Variants in RNPC3 observed in about 807,000 individuals in gnomAD.
RNPC3 encodes RNA-binding region-containing protein 3.
RNPC3 carries 48 observed loss-of-function variants against 67.5 expected under a neutral mutation model. That is an observed-to-expected ratio of 0.71 (90% CI 0.56 to 0.90). RNPC3 has a LOEUF of 0.90. Ranked by LOEUF, RNPC3 falls within the 40% of genes least tolerant of loss-of-function variation. RNPC3 has a pLI of 0.00. For missense variants in RNPC3, 637 were observed against 626.1 expected (o/e 1.02, Z -0.19); for synonymous variants, 239 against 210.3 (o/e 1.14, Z -1.18).
In RNPC3 at chr1:103,525,921, T is replaced by C; in HGVS notation, c.-150T>C. On this transcript the variant is annotated 5_prime_UTR_variant, in exon 1 of 15. Transcript: ENST00000423855. Reference sequence around the variant, plus strand: ...TTGCCGCTTTTCGGTGGCGCAGTTCTCGCGAGAAGGTGACTTTCTTTCTCG... The same window carrying C: ...TTGCCGCTTTTCGGTGGCGCAGTTCCCGCGAGAAGGTGACTTTCTTTCTCG... The C allele has an allele frequency of 1.5e-6, 1 of 662,080 alleles. No individual in the cohort carries two copies. Among genetic ancestry groups the C allele is most frequent in the Non-Finnish European group, 2.5e-6 (1 of 397,286 alleles). 41.0% of individuals were successfully genotyped at this position (662,080 alleles called of 1,614,324 possible).
At position 103,535,315 on chromosome 1, in the gene RNPC3, T is replaced by G. The variant is rs1650954448; in HGVS notation, c.444-15T>G. On this transcript the variant is annotated splice_polypyrimidine_tract_variant and intron_variant, in intron 4 of 14. Coordinates refer to ENST00000423855, the MANE Select transcript of RNPC3 (RefSeq NM_017619.4). The stretch of plus-strand genomic sequence containing the variant: ...TATGAAAACATAAGCATCTTAAATG[T>G]TTTTTGTTTTATAGGCTGACTTTTC... The G allele has an allele frequency of 6.7e-7, 1 of 1,490,646 alleles. No individual in the cohort carries two copies. Among genetic ancestry groups the G allele is most frequent in the Non-Finnish European group, 9.0e-7 (1 of 1,106,960 alleles). 92.3% of individuals were successfully genotyped at this position (1,490,646 alleles called of 1,614,324 possible). A position where few individuals can be genotyped will look rare whatever the true frequency, so the allele number is the denominator to read the frequency against.
intron 14 of RNPC3, chr1:103,553,951 A>G (rs1488066733): frequency 1.3e-5 from 2 of 152,216 alleles, no homozygotes; most frequent in African/African-American, 4.8e-5. Context: ...AAGGAAAAAC[A>G]GTCTTGGCAG....
intron 6 of RNPC3, 101 bp downstream of exon 6, chr1:103,536,295 GA>G: frequency 1.3e-6 from 1 of 762,902 alleles, no homozygotes; most frequent in Non-Finnish European, 2.2e-6. Context: ...GATGTACATT[GA>G]AAATAAGGAA....
chr1:103,533,621 A>T, intron 2 of RNPC3, 118 bp from the exon 3 acceptor site: 4 of 639,830 alleles, frequency 6.3e-6, no homozygotes, highest in Non-Finnish European at 1.1e-5. Flanking sequence ...TAAATTAGGA[A>T]ATAGTCAAGG....
chr1:103,527,903 A>G (rs1184639515), intron 2 of RNPC3, among the ~76,000 whole-genome samples, 161 bp downstream of exon 2: 1 of 152,238 alleles, frequency 6.6e-6, no homozygotes, highest in Non-Finnish European at 1.5e-5. Flanking sequence ...GATCTTGCCC[A>G]GTCCTTTAGT....
chr1:103,526,418 T>C (rs1170509665), intron 1 of RNPC3, among the ~76,000 whole-genome samples, 156 bp downstream of exon 1: 1 of 152,152 alleles, frequency 6.6e-6, no homozygotes, highest in African/African-American at 2.4e-5. Flanking sequence ...AAATATCTGC[T>C]CTGCGAAGTG....
intron 7 of RNPC3, among the ~76,000 whole-genome samples, chr1:103,538,836 C>A (rs546356589): frequency 5.9e-5 from 9 of 152,282 alleles, no homozygotes; most frequent in Non-Finnish European, 1.3e-4. Context: ...TAGTTCTTGA[C>A]AATCTATGCA....
intron 6 of RNPC3, among the ~76,000 whole-genome samples, chr1:103,536,603 C>G (rs1433244146): frequency 6.6e-6 from 1 of 152,134 alleles, no homozygotes; most frequent in African/African-American, 2.4e-5. Context: ...TAGAAGTAGG[C>G]TATACCTGCT....
At chr1:103,550,514 A>G (rs1208064109) in intron 12 of RNPC3, among the ~76,000 whole-genome samples, 1 of 151,608 alleles carries the variant, frequency 6.6e-6, no homozygotes, top group Non-Finnish European at 1.5e-5. Flanking sequence ...GGTGGCGGAC[A>G]CCTGGAGCCC....
chr1:103,546,367 A>G, intron 11 of RNPC3, 25 bp downstream of exon 11: 1 of 1,155,918 alleles, frequency 8.7e-7, no homozygotes, highest in Non-Finnish European at 1.2e-6. Context: ...ATTTTTTTTC[A>G]TGTAAATGAA....
At chr1:103,546,934 T>C (rs1412477468) in intron 11 of RNPC3, 43 bp from the exon 12 acceptor site, 6 of 1,021,334 alleles carry the variant, frequency 5.9e-6, no homozygotes, top group African/African-American at 1.6e-5. Flanking sequence ...TAAGTTTTTT[T>C]CCCCTGGCTT....
At chr1:103,547,161 G>A (rs936722260) in intron 12 of RNPC3, 126 bp downstream of exon 12, 6 of 546,084 alleles carry the variant, frequency 1.1e-5, no homozygotes, top group Admixed American at 3.9e-5. Context: ...CGTCTATTCT[G>A]TTGCACAATT....
At chr1:103,551,618 A>G in intron 13 of RNPC3, 103 bp from the exon 14 acceptor site, 1 of 689,348 alleles carries the variant, frequency 1.5e-6, no homozygotes, top group Non-Finnish European at 2.4e-6. Flanking sequence ...CTCAAGGTAA[A>G]TTAAAAAACC....
chr1:103,548,099 G>A (rs528463204), intron 12 of RNPC3, among the ~76,000 whole-genome samples: 41 of 152,254 alleles, frequency 2.7e-4, no homozygotes, highest in African/African-American at 8.9e-4. Context: ...CCCTGGGCCC[G>A]GCCCACAAAA....
At position 103,525,992 on chromosome 1, in the gene RNPC3, T is replaced by C; in HGVS notation, c.-79T>C. 2 of 1,158,606 alleles carry C rather than the reference T, an allele frequency of 1.7e-6. No homozygotes were observed. The highest frequency in any genetic ancestry group is 1.2e-6 in the Non-Finnish European group (1 of 840,856). The allele number at this position is 1,158,606 out of a possible 1,614,324, so 71.8% of individuals were successfully genotyped here. ...TCCTTAGCGCGAGGCGGAAAAAATA[T>C]TTCTCCCAGCTTGTGTTGATGCCGC... On this transcript the variant is annotated 5_prime_UTR_variant, in exon 1 of 15. Coordinates refer to ENST00000423855, the MANE Select transcript of RNPC3 (RefSeq NM_017619.4).
At chr1:103,550,744 TAAAC>T (rs746704002) in intron 12 of RNPC3, among the ~76,000 whole-genome samples, 193 bp from the exon 13 acceptor site, 34 of 152,258 alleles carry the variant, frequency 2.2e-4, no homozygotes, top group Non-Finnish European at 4.3e-4. Context: ...AAGTATATCT[TAAAC>T]AAATACTACC....
chr1:103,545,331 A>G, intron 10 of RNPC3: 1 of 335,502 alleles, frequency 3.0e-6, no homozygotes, highest in Non-Finnish European at 5.3e-6. Context: ...TTAGGAAAAA[A>G]TTTTGTTTTC....
chr1:103,532,886 A>T (rs1650893209), intron 2 of RNPC3, among the ~76,000 whole-genome samples: 1 of 152,090 alleles, frequency 6.6e-6, no homozygotes, highest in East Asian at 1.9e-4. Context: ...TTGAAACTGA[A>T]TAGGCAGAGA....
chr1:103,526,310 G>A (rs1650706986), intron 1 of RNPC3, 48 bp downstream of exon 1: 1 of 1,447,154 alleles, frequency 6.9e-7, no homozygotes, highest in Non-Finnish European at 9.3e-7. Context: ...TTTGGGAAGT[G>A]ACCGGGGAGG....
Sources: gnomAD v4.1 joint callset for allele counts (sites outside exome capture counted in the v4.1 genomes callset) on GRCh38, gnomAD v4.1.1 for gene constraint, MANE v1.5 for transcripts, NCBI Gene and HGNC (gene_info 2026-07-23, HGNC 2026-07-21) for gene names.